The following KMT2D variants were observed in gnomAD, a reference collection of about 807,000 sequenced individuals.
The protein encoded by KMT2D is lysine methyltransferase 2D.
A neutral mutation model predicts 512.7 loss-of-function variants in KMT2D; 55 were observed. The observed-to-expected ratio is 0.11, with a 90% CI of 0.09 to 0.13. The LOEUF (loss-of-function observed/expected upper bound fraction) is 0.13, where lower values mean the gene tolerates loss of function less well. Among genes scored for constraint, KMT2D ranks in the 10% least tolerant of loss-of-function variants. KMT2D has a pLI of 1.00. For synonymous variants in KMT2D, 2,995 were observed against 2,904.0 expected (o/e 1.03, Z -1.01); for missense variants, 6,061 against 7,127.9 (o/e 0.85, Z 5.39).
Position 49,037,386 on chromosome 12 carries a change from C to T in KMT2D, c.9970G>A (p.Gly3324Ser), listed in dbSNP as rs765543006. The change falls in exon 35 of 55, where the codon GGT becomes AGT. Residue 3324 changes from glycine to serine, a missense_variant. Around this residue, in one of 16 missense-constraint regions of KMT2D, gnomAD observed 533 missense variants for 539.6 expected, o/e 0.99. Transcript: ENST00000301067. ...SLGLAGARQP[G>S]LPQPLMPTQP... is the part of the protein sequence containing the mutation. ...GTGGGCATCAGTGGCTGGGGCAAAC[C>T]TGGCTGTCGGGCACCTGCAAGACCC... 6.2e-7 allele frequency: 1 copy of T among 1,608,516 alleles called. No individual in the cohort carries two copies. The highest frequency in any genetic ancestry group is 1.1e-5 in the South Asian group (1 of 90,034).
Position 49,051,149 on chromosome 12 carries a change from C to G in KMT2D, c.2534G>C (p.Arg845Pro), listed in dbSNP as rs201392255. The G allele has an allele frequency of 2.0e-6, 3 of 1,508,452 alleles. No homozygotes were observed. In the African/African-American group the frequency reaches 4.3e-5, roughly 21 times the overall value. The allele number at this position is 1,508,452 out of a possible 1,614,324, so 93.4% of individuals were successfully genotyped here. A position where few individuals can be genotyped will look rare whatever the true frequency, so the allele number is the denominator to read the frequency against. The part of the protein sequence containing the change: ...PQSEEPCLSP[R>P]PEESHLSPEL... ...AGGGGACAGATGCGATTCCTCAGGC[C>G]GGGGGGACAGGCATGGCTCCTCAGA... Residue 845 changes from arginine (R) to proline (P), a missense_variant, in exon 11 of 55, where the codon CGG becomes CCG. By Grantham distance (103) the Arg-to-Pro change is moderately radical. This residue lies in a region of KMT2D where 848 missense variants were observed against 838.5 expected (regional missense o/e 1.01). Coordinates refer to ENST00000301067, the MANE Select transcript of KMT2D (RefSeq NM_003482.4).
chr12:49,023,564 C>CT (rs1237772223), intron 51 of KMT2D, among the ~76,000 whole-genome samples: 1 of 152,146 alleles, frequency 6.6e-6, no homozygotes. Context: ...GTTTCTGGTT[C>CT]TTTTTTTATT....
intron 43 of KMT2D, among the ~76,000 whole-genome samples, chr12:49,029,926 C>T (rs1942814546): frequency 6.6e-6 from 1 of 152,150 alleles, no homozygotes; most frequent in Non-Finnish European, 1.5e-5. Context: ...TCACACAAGT[C>T]AATCAAGTTA....
At chr12:49,034,960 C>T (rs1592124757) in intron 35 of KMT2D, 25 bp from the exon 36 acceptor site, 2 of 1,613,184 alleles carry the variant, frequency 1.2e-6, no homozygotes, top group Non-Finnish European at 1.7e-6. Flanking sequence ...ACCAAGTGAG[C>T]TGGGCTATGG....
At chr12:49,027,669 G>C (rs936948766) in intron 48 of KMT2D, 134 bp downstream of exon 48, 2 of 1,112,050 alleles carry the variant, frequency 1.8e-6, no homozygotes, top group African/African-American at 3.1e-5. Context: ...TGGCCAGGCT[G>C]GTCTCAAACT....
intron 2 of KMT2D, 58 bp from the exon 3 acceptor site, chr12:49,055,084 A>G (rs1479294319): frequency 6.2e-7 from 1 of 1,603,916 alleles, no homozygotes; most frequent in South Asian, 1.1e-5. Context: ...CACAAAGTCC[A>G]CTCACCAGAC....
chr12:49,029,127 G>C lies in KMT2D; in HGVS notation c.14185C>G (p.Arg4729Gly), dbSNP rs398123719. The C allele has an allele frequency of 9.3e-6, 15 of 1,613,460 alleles. No individual in the cohort carries two copies. Among genetic ancestry groups the C allele is most frequent in the Non-Finnish European group, 1.3e-5 (15 of 1,179,494 alleles). ...AGGGCCCGGTCCTCTTGCTCCCACC[G>C]GCCTGAGCCCAGATGAGGGAAACGA... ...APRFPHLGSG[R>G]WEQEDRALSP... is the part of the protein sequence containing the mutation. The change falls in exon 45 of 55, where the codon CGG (arginine) becomes GGG (glycine). Residue 4729 changes from arginine to glycine, a missense_variant. This residue lies in a region of KMT2D where 1,600 missense variants were observed against 1,754.9 expected (regional missense o/e 0.91). Transcript: ENST00000301067.
chr12:49,041,269 C>A lies in KMT2D; in HGVS notation c.6501G>T (p.Val2167=), dbSNP rs751139032. 6.6e-7 allele frequency: 1 copy of A among 1,518,860 alleles called. No homozygotes were observed. The highest frequency in any genetic ancestry group is 8.8e-7 in the Non-Finnish European group (1 of 1,137,342). 94.1% of individuals were successfully genotyped at this position (1,518,860 alleles called of 1,614,324 possible). ...GGTCCTGCGAAGGCACTTGGGCGGG[C>A]ACCTGGGGTGGGAGCTTGAGGAAGA... is the stretch of plus-strand genomic sequence containing the variant. The part of the protein sequence containing the change: ...GELFLKLPPQ[V]PAQVPSQDPF... The change falls in exon 32 of 55, where the codon GTG becomes GTT. Residue 2167 remains valine (V), a synonymous_variant. Transcript: ENST00000301067. This position sits in a 1 kb window ranked among gnomAD's most constrained non-coding sequence, Gnocchi z 5.4.
intron 6 of KMT2D, 44 bp from the exon 7 acceptor site, chr12:49,053,685 T>C: frequency 6.4e-7 from 1 of 1,553,568 alleles, no homozygotes; most frequent in Non-Finnish European, 8.7e-7. Context: ...GGATTCCTTG[T>C]AAGCCTCAGC....
chr12:49,018,994 T>G lies in KMT2D; in HGVS notation c.*2786A>C. 1 of 1,403,264 alleles carries G rather than the reference T, an allele frequency of 7.1e-7. No individual in the cohort carries two copies. Among genetic ancestry groups the G allele is most frequent in the South Asian group, 1.6e-5 (1 of 62,228 alleles). 86.9% of individuals were successfully genotyped at this position (1,403,264 alleles called of 1,614,324 possible). ...AGCCGCTTGTATTTAAAATGTTCTT[T>G]TTTTATTTGTCGTTTAAAAACAAAC... On this transcript the variant is annotated 3_prime_UTR_variant, in exon 55 of 55. Transcript: ENST00000301067.
intron 43 of KMT2D, among the ~76,000 whole-genome samples, chr12:49,029,887 T>C (rs1942812708): frequency 6.6e-6 from 1 of 152,208 alleles, no homozygotes; most frequent in Admixed American, 6.5e-5. Flanking sequence ...AGTACTACAA[T>C]AGCCATTTTA....
rs1284715745 is a variant in KMT2D, at chr12:49,052,417, T to C, written c.1266A>G (p.Ala422=). 6.5e-7 allele frequency: 1 copy of C among 1,541,308 alleles called. No individual in the cohort carries two copies. Among genetic ancestry groups the C allele is most frequent in the Non-Finnish European group, 8.7e-7 (1 of 1,143,608 alleles). Residue 422 remains alanine, a synonymous_variant, in exon 11 of 55, where the codon GCA becomes GCG. Transcript: ENST00000301067. The part of the protein sequence containing the change: ...LQCEAKPLGK[A]GVQLEPQLEA... ...CCAACTGGGGCTCAAGTTGGACCCC[T>C]GCTTTCCCTGCAGACACAACAACAC...
In KMT2D at chr12:49,051,219, G is replaced by T; in HGVS notation, c.2464C>A (p.Pro822Thr). ...TCCTCAGGTTGGGGGGACAAGCATG[G>T]CTCCTCAGGCACAGGAGACAGGTGC... is the stretch of plus-strand genomic sequence containing the variant. ...EPHLSPVPEE[P>T]CLSPQPEESH... Residue 822 changes from proline (P) to threonine (T), a missense_variant, in exon 11 of 55, where the codon CCA becomes ACA. Physicochemically the swap from Pro to Thr is conservative, Grantham distance 38. Transcript: ENST00000301067. 1 of 1,512,332 alleles carries T rather than the reference G, an allele frequency of 6.6e-7. No homozygotes were observed. The highest frequency in any genetic ancestry group is 8.9e-7 in the Non-Finnish European group (1 of 1,124,074). 93.7% of individuals were successfully genotyped at this position (1,512,332 alleles called of 1,614,324 possible).
rs2120501712 is a variant in KMT2D, at chr12:49,038,658, G to A, written c.8698C>T (p.Pro2900Ser). ...GGGTAAAAACGGGGTCTCTGAGGTG[G>A]GCCCTGACCAGGAAACGGAGTGCCC... The part of the protein sequence containing the change: ...PGGTPFPGQG[P>S]PQRPRFYPVS... Residue 2900 changes from proline (P) to serine (S), a missense_variant, in exon 35 of 55, where the codon CCA becomes TCA. By Grantham distance (74) the Pro-to-Ser change is moderately conservative. Around this residue, in one of 16 missense-constraint regions of KMT2D, gnomAD observed 527 missense variants for 578.9 expected, o/e 0.91. Transcript: ENST00000301067. This position sits in a 1 kb window ranked among gnomAD's most constrained non-coding sequence, Gnocchi z 5.7. 1.9e-6 allele frequency: 3 copies of A among 1,613,046 alleles called. No individual in the cohort carries two copies. Among genetic ancestry groups the A allele is most frequent in the Admixed American group, 1.7e-5 (1 of 60,000 alleles).
Position 49,041,641 on chromosome 12 carries a change from CCAG to C in KMT2D, c.6234+11_6234+13del. 6.2e-7 allele frequency: 1 copy of C among 1,613,528 alleles called. No homozygotes were observed. The highest frequency in any genetic ancestry group is 8.5e-7 in the Non-Finnish European group (1 of 1,179,630). On this transcript the variant is annotated intron_variant, in intron 31 of 54. Coordinates refer to ENST00000301067, the MANE Select transcript of KMT2D (RefSeq NM_003482.4). The surrounding 1 kb of genome is among the most constrained non-coding windows in gnomAD (Gnocchi z 5.4). ...CACTAGAGGACTGCTACACCCCAGC[CCAG>C]CCCCACTCACCTTCTGCACCTTGTT...
chr12:49,044,550 GCA>G lies in KMT2D; in HGVS notation c.4964-30_4964-29del. 3 of 1,611,580 alleles carry G rather than the reference GCA, an allele frequency of 1.9e-6. No individual in the cohort carries two copies. Among genetic ancestry groups the G allele is most frequent in the Non-Finnish European group, 2.5e-6 (3 of 1,178,794 alleles). On this transcript the variant is annotated intron_variant, in intron 20 of 54. Transcript: ENST00000301067. This position sits in a 1 kb window ranked among gnomAD's most constrained non-coding sequence, Gnocchi z 6.4. ...GCGTATGGTGACAGAAGAGATGGAG[GCA>G]AATCAGAACTATAGGCCCTTTTAAC...
At position 49,050,202 on chromosome 12, in the gene KMT2D, T is replaced by C. The variant is rs1294731668; in HGVS notation, c.3386A>G (p.Asp1129Gly). The C allele has an allele frequency of 6.2e-7, 1 of 1,613,658 alleles. No homozygotes were observed. The highest frequency in any genetic ancestry group is 8.5e-7 in the Non-Finnish European group (1 of 1,179,848). The change falls in exon 12 of 55, where the codon GAT (aspartate) becomes GGT (glycine). Residue 1129 changes from aspartate (D) to glycine (G), a missense_variant. Physicochemically the swap from Asp to Gly is moderately conservative, Grantham distance 94. Coordinates refer to ENST00000301067, the MANE Select transcript of KMT2D (RefSeq NM_003482.4). ...AGGCTCTGGCTGTGAACCCGGAGCATCAATCCCATCCAGAGGGGCTGTGTC... is the reference window on the plus strand; with the variant it reads ...AGGCTCTGGCTGTGAACCCGGAGCACCAATCCCATCCAGAGGGGCTGTGTC... The part of the protein sequence containing the change: ...GEDTAPLDGI[D>G]APGSQPEPGQ...
In KMT2D at chr12:49,053,066, G is replaced by A. The variant is rs1204392134; in HGVS notation, c.961C>T (p.Arg321Trp). 9 of 1,614,020 alleles carry A rather than the reference G, an allele frequency of 5.6e-6. No individual in the cohort carries two copies. Among genetic ancestry groups the A allele is most frequent in the Admixed American group, 1.7e-5 (1 of 60,028 alleles). The change falls in exon 9 of 55, where the codon CGG (arginine) becomes TGG (tryptophan). Residue 321 changes from arginine to tryptophan, a missense_variant. Physicochemically the swap from Arg to Trp is moderately radical, Grantham distance 101. This residue lies in a region of KMT2D where 160 missense variants were observed against 225.8 expected (regional missense o/e 0.71). Coordinates refer to ENST00000301067, the MANE Select transcript of KMT2D (RefSeq NM_003482.4). The part of the protein sequence containing the change: ...PAHSWKCKAC[R>W]VCRACGAGSA... ...CCCGCCCCACAGGCCCGGCACACCC[G>A]GCACGCCTAAGGGAAGGGAGTGGGC...
chr12:49,055,126 G>T, intron 2 of KMT2D, 100 bp from the exon 3 acceptor site: 2 of 1,561,422 alleles, frequency 1.3e-6, no homozygotes, highest in South Asian at 1.1e-5. Context: ...GAGTGGATCA[G>T]AGTGATGATA....
Sources: allele counts gnomAD v4.1 joint callset (sites outside exome capture counted in the v4.1 genomes callset), GRCh38; gene constraint gnomAD v4.1.1; regional missense constraint gnomAD v4.1.1; non-coding constraint Gnocchi (gnomAD v3.1); transcripts MANE v1.5; gene names NCBI Gene and HGNC (gene_info 2026-07-23, HGNC 2026-07-21).